Variants in CLIC5 observed in about 807,000 individuals in gnomAD.
The protein encoded by CLIC5 is CLIC family member 5.
A neutral mutation model predicts 24.7 loss-of-function variants in CLIC5; 20 were observed. The observed-to-expected ratio is 0.81, with a 90% CI of 0.57 to 1.18. CLIC5 has a LOEUF of 1.18. Ranked by LOEUF, CLIC5 falls within the 50% of genes most tolerant of loss-of-function variation. The probability of loss-of-function intolerance (pLI) is 0.00; values close to 1 mark genes in which losing one functional copy is unlikely to be tolerated. For missense variants in CLIC5, 341 were observed against 326.1 expected (o/e 1.05, Z -0.35); for synonymous variants, 159 against 135.6 (o/e 1.17, Z -1.20).
At chr6:45,922,870 T>C (rs537404648) in intron 4 of CLIC5, among the ~76,000 whole-genome samples, 2 of 128,318 alleles carry the variant, frequency 1.6e-5, no homozygotes, top group African/African-American at 2.8e-5. Flanking sequence ...TGACTGAATG[T>C]GGGAGGAAGC....
intron 1 of CLIC5, among the ~76,000 whole-genome samples, chr6:46,073,817 C>T (rs1204028203): frequency 6.6e-6 from 1 of 152,258 alleles, no homozygotes; most frequent in Non-Finnish European, 1.5e-5. Context: ...GCTGAGCCCA[C>T]TGCCTGGGAC....
upstream of CLIC5, among the ~76,000 whole-genome samples, chr6:46,019,758 A>G (rs1767124644): frequency 6.7e-6 from 1 of 149,228 alleles, no homozygotes; most frequent in African/African-American, 2.4e-5. Flanking sequence ...ATATATAAAC[A>G]TATATTAATG....
At position 46,046,532 on chromosome 6, in the gene CLIC5, C is replaced by T. The variant is rs912490133; in HGVS notation, c.540+33171G>A. Reference sequence around the variant, plus strand: ...AGATTAGACATTTTACTTAGAAAAGCCTGTATGGTCAATTCAGTGTGGTCA... The same window carrying T: ...AGATTAGACATTTTACTTAGAAAAGTCTGTATGGTCAATTCAGTGTGGTCA... On this transcript the variant is annotated intron_variant, in intron 1 of 5. Coordinates refer to the CLIC5 transcript ENST00000185206. 3.9e-5 allele frequency among the ~76,000 whole-genome samples: 6 copies of T among 152,282 alleles called. No homozygotes were observed. In the South Asian group the frequency reaches 6.2e-4, roughly 16 times the overall value.
At chr6:46,033,173 C>T (rs1767559925) in intron 1 of CLIC5, among the ~76,000 whole-genome samples, 1 of 151,280 alleles carries the variant, frequency 6.6e-6, no homozygotes, top group Admixed American at 6.6e-5. Context: ...GTTTTTAGTA[C>T]CGACAGGGTT....
At chr6:45,915,784 A>G (rs1347795110) in intron 4 of CLIC5, among the ~76,000 whole-genome samples, 1 of 152,230 alleles carries the variant, frequency 6.6e-6, no homozygotes, top group Non-Finnish European at 1.5e-5. Flanking sequence ...CGTTTTGCCC[A>G]GAATCTCGTA....
At chr6:46,120,373 T>C in the CLIC5 span, among the ~76,000 whole-genome samples, 9 of 152,324 alleles carry the variant, frequency 5.9e-5, no homozygotes, top group South Asian at 1.9e-3. Flanking sequence ...CTGAGGGTCC[T>C]GACTGTTAAA....
intron 1 of CLIC5, among the ~76,000 whole-genome samples, chr6:45,966,807 G>A (rs1157060450): frequency 6.6e-6 from 1 of 152,200 alleles, no homozygotes; most frequent in Non-Finnish European, 1.5e-5. Context: ...AGGGCATGGA[G>A]AGCCCATTTT....
chr6:45,911,446 G>A (rs1041914728), intron 5 of CLIC5, among the ~76,000 whole-genome samples: 3 of 152,144 alleles, frequency 2.0e-5, no homozygotes, highest in Admixed American at 2.0e-4. Context: ...CTTGGGTTGG[G>A]CCAAGTTCCT....
chr6:45,898,757 C>T lies in CLIC5; in HGVS notation c.*4331G>A, dbSNP rs1016867956. The T allele has an allele frequency of 1.3e-5, 2 of 152,494 alleles. No individual in the cohort carries two copies. The highest frequency in any genetic ancestry group is 1.5e-5 in the Non-Finnish European group (1 of 67,996). The allele number at this position is 152,494 out of a possible 1,614,324, so 9.4% of individuals were successfully genotyped here. The stretch of plus-strand genomic sequence containing the variant: ...CTCCCCAGCTTATAAAATAGGACAA[C>T]GAGGTGGCCAGGAAAGTAAGACAAA... On this transcript the variant is annotated 3_prime_UTR_variant, in exon 6 of 6. Coordinates refer to ENST00000339561, the MANE Select transcript of CLIC5 (RefSeq NM_016929.5).
chr6:45,935,564 G>A (rs1389710375), intron 4 of CLIC5, among the ~76,000 whole-genome samples: 1 of 152,204 alleles, frequency 6.6e-6, no homozygotes, highest in Non-Finnish European at 1.5e-5. Context: ...ACTTCTCCCT[G>A]CAAGATTGAA....
At chr6:46,080,491 T>G, upstream of CLIC5, 1 of 458,102 alleles carries the variant, frequency 2.2e-6, no homozygotes. Flanking sequence ...AAAGATATTT[T>G]TATTAGACCC....
chr6:45,906,346 A>G (rs2127297641), intron 5 of CLIC5, among the ~76,000 whole-genome samples: 1 of 152,358 alleles, frequency 6.6e-6, no homozygotes, highest in South Asian at 2.1e-4. Flanking sequence ...ATTTATGAGC[A>G]TGGAATGTTT....
upstream of CLIC5, among the ~76,000 whole-genome samples, chr6:46,017,419 A>G (rs1028216509): frequency 6.6e-6 from 1 of 152,188 alleles, no homozygotes; most frequent in African/African-American, 2.4e-5. Flanking sequence ...AATGATCCCA[A>G]TTTTACAAGT....
At chr6:45,905,092 T>C (rs895939847) in intron 5 of CLIC5, among the ~76,000 whole-genome samples, 1 of 152,222 alleles carries the variant, frequency 6.6e-6, no homozygotes, top group African/African-American at 2.4e-5. Context: ...TTCCATGATG[T>C]ATATGTACCA....
intron 1 of CLIC5, among the ~76,000 whole-genome samples, chr6:46,031,973 A>G (rs993988057): frequency 1.3e-5 from 2 of 151,246 alleles, no homozygotes; most frequent in African/African-American, 4.9e-5. Context: ...ATATATATAT[A>G]TGTGTACATA....
At chr6:45,974,497 G>GTATATATATATATATATA (rs1554154071) in intron 1 of CLIC5, among the ~76,000 whole-genome samples, 1 of 76,202 alleles carries the variant, frequency 1.3e-5, no homozygotes, top group African/African-American at 4.6e-5. Flanking sequence ...GTGTGTGTGT[G>GTATATATATATATATATA]TATATATATA....
intron 1 of CLIC5, among the ~76,000 whole-genome samples, chr6:46,041,485 C>T (rs147574761): frequency 1.3e-5 from 2 of 152,298 alleles, no homozygotes; most frequent in East Asian, 3.9e-4. Context: ...AGTCTGTTTA[C>T]AGCCTACCTT....
Position 45,901,280 on chromosome 6 carries a change from A to C in CLIC5, c.*1808T>G, listed in dbSNP as rs1399176059. ...TTTTGAGGTGGAAATGAATCAACTCATTCCGCCTTTTCAAAGCTTTCTCAG... is the reference window on the plus strand; with the variant it reads ...TTTTGAGGTGGAAATGAATCAACTCCTTCCGCCTTTTCAAAGCTTTCTCAG... On this transcript the variant is annotated 3_prime_UTR_variant, in exon 6 of 6. Coordinates refer to ENST00000339561, the MANE Select transcript of CLIC5 (RefSeq NM_016929.5). The C allele has an allele frequency of 2.0e-5, 3 of 152,136 alleles. No individual in the cohort carries two copies. The East Asian group carries it at 5.8e-4, about 29-fold the overall frequency. 9.4% of individuals were successfully genotyped at this position (152,136 alleles called of 1,614,324 possible). A position where few individuals can be genotyped will look rare whatever the true frequency, so the allele number is the denominator to read the frequency against.
chr6:46,063,827 G>A lies in CLIC5; in HGVS notation c.540+15876C>T, dbSNP rs567545265. Among the ~76,000 whole-genome samples the A allele has an allele frequency of 2.7e-3, 406 of 152,274 alleles. 2 individuals carry two copies. Among genetic ancestry groups the A allele is most frequent in the African/African-American group, 9.2e-3 (383 of 41,534 alleles). On this transcript the variant is annotated intron_variant, in intron 1 of 5. Coordinates refer to the CLIC5 transcript ENST00000185206. Reference sequence around the variant, plus strand: ...AGCCACATGAGCTGTAGACTAGGGCGTTTCTGGACCCACTTCTACAAAGCT... The same window carrying A: ...AGCCACATGAGCTGTAGACTAGGGCATTTCTGGACCCACTTCTACAAAGCT...
Sources: allele counts gnomAD v4.1 joint callset (sites outside exome capture counted in the v4.1 genomes callset), GRCh38; gene constraint gnomAD v4.1.1; transcripts MANE v1.5; gene names NCBI Gene and HGNC (gene_info 2026-07-23, HGNC 2026-07-21).